The following UNC79 variants were observed in gnomAD, a reference collection of about 807,000 sequenced individuals.
UNC79 encodes the protein unc-79 subunit of NALCN channel complex.
In UNC79, 37 loss-of-function variants were observed where a neutral mutation model predicts 283.1. The observed-to-expected ratio is 0.13, with a 90% CI of 0.10 to 0.17. The LOEUF is 0.17. Among genes scored for constraint, UNC79 ranks in the 10% least tolerant of loss-of-function variants. UNC79 has a pLI of 1.00. For missense variants in UNC79, 2,272 were observed against 3,211.1 expected (o/e 0.71, Z 7.07); for synonymous variants, 1,107 against 1,200.2 (o/e 0.92, Z 1.61).
intron 4 of UNC79, among the ~76,000 whole-genome samples, chr14:93,479,172 T>TTTCCTTCCTTCC (rs140666949): frequency 0.036 from 4,310 of 120,574 alleles, 158 homozygotes; most frequent in Middle Eastern, 0.075. Flanking sequence ...GATGAGGCTG[T>TTTCCTTCCTTCC]TTCCTTCCTT....
intron 1 of UNC79, among the ~76,000 whole-genome samples, chr14:93,365,856 A>G (rs2054318859): frequency 6.6e-6 from 1 of 152,190 alleles, no homozygotes; most frequent in South Asian, 2.1e-4. Flanking sequence ...AAAGTTTCCC[A>G]GAGCTGGAAA....
At chr14:93,421,774 C>CT (rs1259704882) in intron 1 of UNC79, among the ~76,000 whole-genome samples, 11 of 73,640 alleles carry the variant, frequency 1.5e-4, no homozygotes, top group Non-Finnish European at 2.0e-4. Context: ...TAGGAGATAG[C>CT]TTAAAAAAAA....
At chr14:93,499,913 C>T (rs761924807) in intron 7 of UNC79, among the ~76,000 whole-genome samples, 4 of 151,686 alleles carry the variant, frequency 2.6e-5, no homozygotes, top group South Asian at 2.1e-4. Context: ...CAAGGCAGAA[C>T]GTACTGCAGG....
intron 1 of UNC79, among the ~76,000 whole-genome samples, chr14:93,420,993 A>G (rs2055586512): frequency 6.6e-6 from 1 of 151,792 alleles, no homozygotes; most frequent in Non-Finnish European, 1.5e-5. Context: ...AAGTGCCTAC[A>G]TTGTGGAATA....
At chr14:93,361,203 C>A (rs1400515306) in intron 1 of UNC79, among the ~76,000 whole-genome samples, 1 of 100,238 alleles carries the variant, frequency 1.0e-5, no homozygotes, top group African/African-American at 4.2e-5. Context: ...CAGAGCAAGA[C>A]TCTGTCTCAA....
rs946334969 is a variant in UNC79 at position 93,603,827 on chromosome 14, AT to A, written c.3754+419del. Among the ~76,000 whole-genome samples the A allele has an allele frequency of 5.8e-4, 87 of 149,824 alleles. 1 individual carries two copies. Among genetic ancestry groups the A allele is most frequent in the African/African-American group, 1.9e-3 (78 of 40,954 alleles). ...GAGGGACAGTTGAAATTTGGAATGT[AT>A]TTTTTTTTTCATGTCTGATAGAAGC... On this transcript the variant is annotated intron_variant, in intron 26 of 48. Transcript: ENST00000555664.
Position 93,404,493 on chromosome 14 carries a change from A to AAAAAAATATATATATATATATATATATAT in UNC79, c.-350-63177_-350-63176insAAAAATATATATATATATATATATATATA. Among the ~76,000 whole-genome samples the AAAAAAATATATATATATATATATATATAT allele has an allele frequency of 3.7e-3, 224 of 61,274 alleles. 4 individuals are homozygous for AAAAAAATATATATATATATATATATATAT. The highest frequency in any genetic ancestry group is 5.3e-3 in the Non-Finnish European group (164 of 31,016). The allele number at this position is 61,274 out of a possible 152,430, so 40.2% of individuals were successfully genotyped here. On this transcript the variant is annotated intron_variant, in intron 1 of 49. Coordinates refer to the UNC79 transcript ENST00000256339. Reference sequence around the variant, plus strand: ...TGACAGAGTGAGACCTTCTAAAAAAAATATATATATATATATATATAAATA... The same window carrying AAAAAAATATATATATATATATATATATAT: ...TGACAGAGTGAGACCTTCTAAAAAAAAAAAAATATATATATATATATATATATATATATATATATATATATATATAAATA...
In UNC79 at chr14:93,483,099, C is replaced by T. The variant is rs79605888; in HGVS notation, c.620-4564C>T. Among the ~76,000 whole-genome samples, 1,203 of 152,296 alleles carry T rather than the reference C, an allele frequency of 7.9e-3. 13 individuals are homozygous for T. Among genetic ancestry groups the T allele is most frequent in the Middle Eastern group, 0.048 (14 of 294 alleles). On this transcript the variant is annotated intron_variant, in intron 4 of 48. Coordinates refer to ENST00000555664, the Ensembl canonical transcript of UNC79. ...TCAAAGTCCTTCTCCCAAATGGTCT[C>T]ATGATTATTTGCTTCCTTACATTCT...
chr14:93,650,070 T>C (rs1194374978), intron 35 of UNC79, among the ~76,000 whole-genome samples: 1 of 152,240 alleles, frequency 6.6e-6, no homozygotes, highest in African/African-American at 2.4e-5. Context: ...GGAATCCTAC[T>C]GTATGCACTC....
At chr14:93,681,798 G>A (rs1034326647) in intron 41 of UNC79, among the ~76,000 whole-genome samples, 4 of 152,202 alleles carry the variant, frequency 2.6e-5, no homozygotes, top group Non-Finnish European at 5.9e-5. Flanking sequence ...AAATAATTGA[G>A]TGCTGCATTA....
At chr14:93,573,306 C>G (rs1245943654) in intron 16 of UNC79, among the ~76,000 whole-genome samples, 1 of 152,162 alleles carries the variant, frequency 6.6e-6, no homozygotes, top group African/African-American at 2.4e-5. Flanking sequence ...TACTTCAAAC[C>G]CTCATCTTCC....
chr14:93,561,753 AG>A (rs1452091378), intron 14 of UNC79, among the ~76,000 whole-genome samples: 6 of 152,178 alleles, frequency 3.9e-5, no homozygotes, highest in African/African-American at 1.4e-4. Flanking sequence ...CCACTCTAAG[AG>A]GGAGTTAAGA....
chr14:93,345,435 A>C (rs1435015157), intron 1 of UNC79, among the ~76,000 whole-genome samples: 1 of 150,148 alleles, frequency 6.7e-6, no homozygotes, highest in African/African-American at 2.5e-5. Flanking sequence ...TGTACGCTAA[A>C]GAAACACAGT....
At chr14:93,513,918 C>T (rs2059943201) in intron 7 of UNC79, among the ~76,000 whole-genome samples, 1 of 152,068 alleles carries the variant, frequency 6.6e-6, no homozygotes, top group Admixed American at 6.5e-5. Context: ...GCATTATCTT[C>T]AATATTTGTG....
chr14:93,664,705 C>T (rs963939766), intron 40 of UNC79, among the ~76,000 whole-genome samples: 7 of 152,138 alleles, frequency 4.6e-5, no homozygotes, highest in Admixed American at 2.6e-4. Context: ...ATGGGCCTAT[C>T]TTGGATCAGG....
At chr14:93,544,934 G>C (rs1257563305) in intron 14 of UNC79, among the ~76,000 whole-genome samples, 4 of 152,164 alleles carry the variant, frequency 2.6e-5, no homozygotes, top group Admixed American at 2.6e-4. Context: ...AACTGTTGTA[G>C]CAATAAGTCC....
At chr14:93,395,866 G>A (rs980575690) in intron 1 of UNC79, among the ~76,000 whole-genome samples, 4 of 151,898 alleles carry the variant, frequency 2.6e-5, no homozygotes, top group East Asian at 1.9e-4. Flanking sequence ...TGAATATCTA[G>A]GCATGGATAT....
intron 1 of UNC79, among the ~76,000 whole-genome samples, chr14:93,453,852 A>C (rs2056719705): frequency 6.6e-6 from 1 of 152,172 alleles, no homozygotes; most frequent in Admixed American, 6.5e-5. Flanking sequence ...TCATCACATC[A>C]TGAAATGAAT....
chr14:93,383,423 A>G (rs1031077324), intron 1 of UNC79, among the ~76,000 whole-genome samples: 1 of 152,258 alleles, frequency 6.6e-6, no homozygotes, highest in Non-Finnish European at 1.5e-5. Flanking sequence ...TAAAGCAAAT[A>G]TAGCAATAAA....
Sources: gnomAD v4.1 joint callset for allele counts (sites outside exome capture counted in the v4.1 genomes callset) on GRCh38, gnomAD v4.1.1 for gene constraint, MANE v1.5 for transcripts, NCBI Gene and HGNC (gene_info 2026-07-23, HGNC 2026-07-21) for gene names.